NT5E: variants seen among roughly 807,000 people sequenced by gnomAD.
The protein encoded by NT5E is 5'-nucleotidase ecto.
Under a neutral mutation model 55.1 loss-of-function variants are expected in NT5E, and 53 were observed. The observed-to-expected ratio is 0.96, with a 90% confidence interval of 0.77 to 1.21. The LOEUF is 1.21. Ranked by LOEUF, NT5E falls within the 50% of genes most tolerant of loss-of-function variation. The pLI is 0.00. For missense variants in NT5E, 683 were observed against 724.3 expected (o/e 0.94, Z 0.65); for synonymous variants, 270 against 278.4 (o/e 0.97, Z 0.30).
Position 85,450,521 on chromosome 6 carries a change from G to A in NT5E, c.339+43G>A, listed in dbSNP as rs1265857231. On this transcript the variant is annotated intron_variant, in intron 1 of 8. Coordinates refer to ENST00000257770, the MANE Select transcript of NT5E (RefSeq NM_002526.4). This position sits in a 1 kb window ranked among gnomAD's most constrained non-coding sequence, Gnocchi z 4.0. ...GCCCGGGATAGTAGTCCCGGACTGA[G>A]AGAGGAGCCGGGCTGGAAAAGCAGC... is the stretch of plus-strand genomic sequence containing the variant. 1 of 1,528,840 alleles carries A rather than the reference G, an allele frequency of 6.5e-7. No individual in the cohort carries two copies. The highest frequency in any genetic ancestry group is 2.0e-5 in the Admixed American group (1 of 51,258). 94.7% of individuals were successfully genotyped at this position (1,528,840 alleles called of 1,614,324 possible).
intron 3 of NT5E, among the ~76,000 whole-genome samples, chr6:85,479,767 A>G (rs1169188250): frequency 6.6e-6 from 1 of 152,094 alleles, no homozygotes; most frequent in Non-Finnish European, 1.5e-5. Context: ...TCTCCACCCC[A>G]TTCTTTTGGC....
Position 85,450,280 on chromosome 6 carries a change from C to T in NT5E, c.141C>T (p.Asp47=), listed in dbSNP as rs369010777. 1.2e-6 allele frequency: 2 copies of T among 1,608,592 alleles called. No homozygotes were observed. Among genetic ancestry groups the T allele is most frequent in the Admixed American group, 3.4e-5 (2 of 59,578 alleles). The change falls in exon 1 of 9, where the codon GAC becomes GAT. Residue 47 remains aspartate, a synonymous_variant. Transcript: ENST00000257770. The surrounding 1 kb of genome is among the most constrained non-coding windows in gnomAD (Gnocchi z 4.0). ...GCCGGCTGGAGCAGACCAGCGAGGA[C>T]TCCAGCAAGTGCGTCAACGCCAGCC... ...VHSRLEQTSE[D]SSKCVNASRC... is the part of the protein sequence containing the mutation.
rs949721481 is a variant in NT5E at position 85,450,634 on chromosome 6, A to C, written c.339+156A>C. The stretch of plus-strand genomic sequence containing the variant: ...TCCGGCCAGTGTGCCAGCTGGATGC[A>C]TAGAAGTCCCTTGGACGATTCGTCT... On this transcript the variant is annotated intron_variant, in intron 1 of 8. Transcript: ENST00000257770. This position sits in a 1 kb window ranked among gnomAD's most constrained non-coding sequence, Gnocchi z 4.0. Among the ~76,000 whole-genome samples the C allele has an allele frequency of 6.6e-6, 1 of 152,216 alleles. No individual in the cohort carries two copies. The highest frequency in any genetic ancestry group is 1.5e-5 in the Non-Finnish European group (1 of 68,030).
intron 3 of NT5E, among the ~76,000 whole-genome samples, chr6:85,482,086 C>T (rs1356116445): frequency 6.6e-6 from 1 of 152,226 alleles, no homozygotes; most frequent in Non-Finnish European, 1.5e-5. Context: ...AACCTAATTA[C>T]CAATCCTTTT....
rs1296992251 is a variant in NT5E at position 85,494,795 on chromosome 6, ACAGT to A, written c.*794_*797del. On this transcript the variant is annotated 3_prime_UTR_variant, in exon 9 of 9. Transcript: ENST00000257770. ...TGAGAAAGGCCAGAGGCTGCAAAAG[ACAGT>A]CAAAGGACACGAGAGAAAGGAAGGG... 6.6e-6 allele frequency: 1 copy of A among 152,296 alleles called. No individual in the cohort carries two copies. Among genetic ancestry groups the A allele is most frequent in the Non-Finnish European group, 1.5e-5 (1 of 68,090 alleles). 9.4% of individuals were successfully genotyped at this position (152,296 alleles called of 1,614,324 possible). A position where few individuals can be genotyped will look rare whatever the true frequency, so the allele number is the denominator to read the frequency against.
chr6:85,466,156 G>A (rs947478596), intron 1 of NT5E, among the ~76,000 whole-genome samples: 2 of 152,048 alleles, frequency 1.3e-5, no homozygotes, highest in Non-Finnish European at 2.9e-5. Flanking sequence ...GCCTCTGCAT[G>A]GATTCCCTCC....
At chr6:85,451,781 G>C (rs921367052) in intron 1 of NT5E, among the ~76,000 whole-genome samples, 3 of 152,180 alleles carry the variant, frequency 2.0e-5, no homozygotes, top group Non-Finnish European at 4.4e-5. Flanking sequence ...TGAGGGGTTT[G>C]TTTGGTTTTA....
rs866710254 is a variant in NT5E at position 85,490,977 on chromosome 6, A to T, written c.1360+320A>T. 3.9e-4 allele frequency: 180 copies of T among 465,182 alleles called. 1 individual carries two copies. Among genetic ancestry groups the T allele is most frequent in the African/African-American group, 3.2e-3 (159 of 49,446 alleles). 28.8% of individuals were successfully genotyped at this position (465,182 alleles called of 1,614,324 possible). A position where few individuals can be genotyped will look rare whatever the true frequency, so the allele number is the denominator to read the frequency against. ...TAAAATCTTATTTAAGCATTCAATT[A>T]TTTTTTTTTTAAATCCTCTCCTCTG... On this transcript the variant is annotated intron_variant, in intron 7 of 8. Transcript: ENST00000257770.
intron 3 of NT5E, among the ~76,000 whole-genome samples, chr6:85,480,496 A>T (rs896300426): frequency 6.6e-6 from 1 of 152,146 alleles, no homozygotes; most frequent in African/African-American, 2.4e-5. Context: ...GGCTGTGATG[A>T]CTGGAGAGCG....
chr6:85,455,498 C>T (rs1768969953), intron 1 of NT5E, among the ~76,000 whole-genome samples: 1 of 152,212 alleles, frequency 6.6e-6, no homozygotes, highest in East Asian at 1.9e-4. Flanking sequence ...CCAGGTAGGG[C>T]ATGAAAGCTC....
At chr6:85,487,636 A>G in intron 5 of NT5E, 147 bp downstream of exon 5, 1 of 1,083,210 alleles carries the variant, frequency 9.2e-7, no homozygotes, top group East Asian at 2.5e-5. Context: ...ATGTGCCTAT[A>G]GTCCCAGCTA....
rs973482176 is a variant in NT5E at position 85,494,994 on chromosome 6, G to T, written c.*990G>T. The T allele has an allele frequency of 6.6e-6, 1 of 152,162 alleles. No individual in the cohort carries two copies. The highest frequency in any genetic ancestry group is 2.4e-5 in the African/African-American group (1 of 41,420). The allele number at this position is 152,162 out of a possible 1,614,324, so 9.4% of individuals were successfully genotyped here. ...CTGTCCTCTTTCTTCTAACATGAAG[G>T]TATCATGAGAAGAGAACCTTCTAAC... On this transcript the variant is annotated 3_prime_UTR_variant, in exon 9 of 9. Transcript: ENST00000257770.
intron 3 of NT5E, among the ~76,000 whole-genome samples, chr6:85,482,335 T>C (rs757489064): frequency 6.8e-6 from 1 of 147,012 alleles, no homozygotes; most frequent in African/African-American, 2.5e-5. Flanking sequence ...TGAGACCCTG[T>C]TGAAAGAGAG....
rs2127726330 is a variant in NT5E at position 85,494,265 on chromosome 6, A to C, written c.*261A>C. 1 of 466,290 alleles carries C rather than the reference A, an allele frequency of 2.1e-6. No individual in the cohort carries two copies. Among genetic ancestry groups the C allele is most frequent in the Non-Finnish European group, 3.8e-6 (1 of 263,602 alleles). 28.9% of individuals were successfully genotyped at this position (466,290 alleles called of 1,614,324 possible). A position where few individuals can be genotyped will look rare whatever the true frequency, so the allele number is the denominator to read the frequency against. The stretch of plus-strand genomic sequence containing the variant: ...GTTTACGTGTCCAAATTTTAATGAA[A>C]TTTTACTAACAATTTTAAACCATAT... On this transcript the variant is annotated 3_prime_UTR_variant, in exon 9 of 9. Coordinates refer to ENST00000257770, the MANE Select transcript of NT5E (RefSeq NM_002526.4).
chr6:85,464,647 G>T (rs942804660), intron 1 of NT5E, among the ~76,000 whole-genome samples: 1 of 152,160 alleles, frequency 6.6e-6, no homozygotes, highest in Non-Finnish European at 1.5e-5. Context: ...AGAGTGCCAA[G>T]GTCAGGTTTG....
At chr6:85,464,345 G>T (rs983720934) in intron 1 of NT5E, among the ~76,000 whole-genome samples, 2 of 152,126 alleles carry the variant, frequency 1.3e-5, no homozygotes, top group Admixed American at 6.5e-5. Context: ...ACGCTGGCAT[G>T]TGGCAAGTGC....
Position 85,454,260 on chromosome 6 carries a change from C to T in NT5E, c.339+3782C>T, listed in dbSNP as rs182413830. 1.3e-3 allele frequency among the ~76,000 whole-genome samples: 192 copies of T among 152,320 alleles called. 1 individual carries two copies. The highest frequency in any genetic ancestry group is 4.3e-3 in the African/African-American group (179 of 41,572). On this transcript the variant is annotated intron_variant, in intron 1 of 8. Transcript: ENST00000257770. Reference sequence around the variant, plus strand: ...AGGGCATACTTTGAGTACTACAAGACTGGTTTCCTCAATGACTGACATCCT... The same window carrying T: ...AGGGCATACTTTGAGTACTACAAGATTGGTTTCCTCAATGACTGACATCCT...
intron 3 of NT5E, 79 bp from the exon 4 acceptor site, chr6:85,485,156 C>A: frequency 1.5e-6 from 2 of 1,376,214 alleles, no homozygotes; most frequent in Non-Finnish European, 2.1e-6. Context: ...CTCTGTCATC[C>A]AGCCAGTAGC....
chr6:85,488,510 T>G (rs1355181144), intron 5 of NT5E, among the ~76,000 whole-genome samples: 1 of 152,210 alleles, frequency 6.6e-6, no homozygotes, highest in Non-Finnish European at 1.5e-5. Context: ...TTGGCAGTGC[T>G]TATCCACTCT....
Sources: gnomAD v4.1 joint callset for allele counts (sites outside exome capture counted in the v4.1 genomes callset) on GRCh38, gnomAD v4.1.1 for gene constraint, Gnocchi (gnomAD v3.1) non-coding constraint, MANE v1.5 for transcripts, NCBI Gene and HGNC (gene_info 2026-07-23, HGNC 2026-07-21) for gene names.